The following ANTXR1 variants were observed in gnomAD, a reference collection of about 807,000 sequenced individuals.
ANTXR1 encodes the protein ANTXR cell adhesion molecule 1.
ANTXR1 carries 19 observed loss-of-function variants against 78.1 expected under a neutral mutation model. That is an observed-to-expected ratio of 0.24 (90% CI 0.17 to 0.36). The LOEUF is 0.36. Ranked by LOEUF, ANTXR1 falls within the 10% of genes least tolerant of loss-of-function variation. The pLI is 1.00. For missense variants in ANTXR1, 518 were observed against 718.6 expected (o/e 0.72, Z 3.19); for synonymous variants, 273 against 260.5 (o/e 1.05, Z -0.46).
intron 17 of ANTXR1, among the ~76,000 whole-genome samples, chr2:69,242,420 A>G (rs1283703192): frequency 1.3e-5 from 2 of 152,220 alleles, no homozygotes; most frequent in Admixed American, 1.3e-4. Context: ...TTGGCAGAAG[A>G]AGGCTGGGAG....
chr2:69,135,028 A>T (rs535361489), intron 12 of ANTXR1: 130 of 421,986 alleles, frequency 3.1e-4, no homozygotes, highest in African/African-American at 2.3e-3. Context: ...ATCATTAGAG[A>T]CGGTAAAAGA....
rs186002368 is a variant in ANTXR1, at chr2:69,078,750, G to A, written c.642+1262G>A. On this transcript the variant is annotated intron_variant, in intron 8 of 17. Transcript: ENST00000303714. ...CTAATACTTTTCCAGACATACAATA[G>A]GCACTCAAGGCATATGAATTATTGC... Among the ~76,000 whole-genome samples, 6 of 152,236 alleles carry A rather than the reference G, an allele frequency of 3.9e-5. No homozygotes were observed. In the East Asian group the frequency reaches 7.7e-4, roughly 20 times the overall value.
chr2:69,034,852 A>G (rs1487566045), intron 1 of ANTXR1, among the ~76,000 whole-genome samples: 1 of 152,216 alleles, frequency 6.6e-6, no homozygotes, highest in Non-Finnish European at 1.5e-5. Context: ...AGAGACTGAC[A>G]TGATAAATGG....
chr2:69,059,337 A>T (rs1573822999), intron 3 of ANTXR1, among the ~76,000 whole-genome samples: 1 of 152,164 alleles, frequency 6.6e-6, no homozygotes, highest in African/African-American at 2.4e-5. Context: ...CAGCCACCCC[A>T]CCTTCAGCAA....
At chr2:69,096,255 CAAAA>C (rs1255106606) in intron 9 of ANTXR1, among the ~76,000 whole-genome samples, 2 of 123,972 alleles carry the variant, frequency 1.6e-5, no homozygotes, top group East Asian at 2.2e-4. Context: ...GAGACTCCGT[CAAAA>C]GGAAGGAAGG....
rs34296585 is a variant in ANTXR1, at chr2:69,182,980, T to TAAA, written c.1353+334_1353+336dup. Reference sequence around the variant, plus strand: ...TGCAAATTCGTGAAGTGTTCCATATTAAAAAAAAAAAAAAAATCACCATGG... The same window carrying TAAA: ...TGCAAATTCGTGAAGTGTTCCATATTAAAAAAAAAAAAAAAAAAATCACCATGG... On this transcript the variant is annotated intron_variant, in intron 16 of 17. Transcript: ENST00000303714. 6.8e-3 allele frequency: 1,418 copies of TAAA among 208,992 alleles called. 29 individuals carry two copies. Among genetic ancestry groups the TAAA allele is most frequent in the African/African-American group, 0.032 (1,232 of 38,332 alleles). The allele number at this position is 208,992 out of a possible 1,614,324, so 12.9% of individuals were successfully genotyped here.
At position 69,234,897 on chromosome 2, in the gene ANTXR1, G is replaced by A. The variant is rs115836130; in HGVS notation, c.1435-10328G>A. ...GTCCAAGATAACACAGTAAGTTGCA[G>A]AACCAGATCTCTTGAATCCTAGTAG... On this transcript the variant is annotated intron_variant, in intron 17 of 17. Coordinates refer to ENST00000303714, the MANE Select transcript of ANTXR1 (RefSeq NM_032208.3). Among the ~76,000 whole-genome samples the A allele has an allele frequency of 4.9e-3, 725 of 148,622 alleles. 5 individuals carry two copies. Among genetic ancestry groups the A allele is most frequent in the African/African-American group, 0.017 (698 of 40,190 alleles).
intron 1 of ANTXR1, among the ~76,000 whole-genome samples, chr2:69,028,038 T>C (rs902220756): frequency 6.6e-6 from 1 of 152,010 alleles, no homozygotes; most frequent in Non-Finnish European, 1.5e-5. Flanking sequence ...TTTAAGGAAT[T>C]CTCATAATTT....
chr2:69,170,386 G>C (rs1360253054), intron 14 of ANTXR1, 97 bp downstream of exon 14: 3 of 1,424,040 alleles, frequency 2.1e-6, no homozygotes, highest in Non-Finnish European at 3.0e-6. Context: ...CTGCAGAGCA[G>C]AGCTAAGTCA....
chr2:69,030,535 G>T (rs1451930813), intron 1 of ANTXR1, among the ~76,000 whole-genome samples: 1 of 152,138 alleles, frequency 6.6e-6, no homozygotes, highest in East Asian at 1.9e-4. Context: ...ATGCAACAGG[G>T]CTTCAATATT....
intron 14 of ANTXR1, among the ~76,000 whole-genome samples, chr2:69,176,952 A>G (rs143139415): frequency 1.3e-5 from 2 of 152,208 alleles, no homozygotes; most frequent in African/African-American, 4.8e-5. Context: ...GAACTTATCA[A>G]TTGAGTCTGA....
intron 17 of ANTXR1, among the ~76,000 whole-genome samples, chr2:69,204,588 G>T (rs1674852028): frequency 6.6e-6 from 1 of 152,072 alleles, no homozygotes; most frequent in Non-Finnish European, 1.5e-5. Context: ...TCTTTTCAAG[G>T]TCACAAAGAG....
At chr2:69,219,364 A>G (rs1418139486) in intron 17 of ANTXR1, among the ~76,000 whole-genome samples, 4 of 133,526 alleles carry the variant, frequency 3.0e-5, no homozygotes, top group African/African-American at 8.1e-5. Context: ...AGGTAACATC[A>G]CAGTGTCCAC....
intron 9 of ANTXR1, among the ~76,000 whole-genome samples, chr2:69,095,569 A>G (rs1483931426): frequency 6.6e-6 from 1 of 152,234 alleles, no homozygotes; most frequent in Non-Finnish European, 1.5e-5. Flanking sequence ...TCCCATGCAG[A>G]AAGAAATTAT....
chr2:69,158,117 G>A (rs1156814931), intron 13 of ANTXR1, among the ~76,000 whole-genome samples: 2 of 152,168 alleles, frequency 1.3e-5, no homozygotes, highest in Non-Finnish European at 2.9e-5. Context: ...TGAAGCTGTT[G>A]GAAGCCAAGG....
intron 1 of ANTXR1, among the ~76,000 whole-genome samples, chr2:69,025,181 C>T (rs1272479925): frequency 1.3e-5 from 2 of 152,128 alleles, no homozygotes; most frequent in African/African-American, 2.4e-5. Context: ...TCCTTTGAGA[C>T]GATTACTAGT....
At chr2:69,127,250 T>C (rs1199177978) in intron 12 of ANTXR1, among the ~76,000 whole-genome samples, 2 of 152,072 alleles carry the variant, frequency 1.3e-5, no homozygotes, top group Non-Finnish European at 2.9e-5. Context: ...AATGGATACA[T>C]TGAAAAGGTG....
intron 8 of ANTXR1, among the ~76,000 whole-genome samples, chr2:69,085,890 TG>T (rs1263359722): frequency 1.3e-5 from 2 of 152,248 alleles, no homozygotes; most frequent in African/African-American, 2.4e-5. Context: ...TTCAGGTTTT[TG>T]TCTTAGACAA....
chr2:69,075,607 T>G lies in ANTXR1; in HGVS notation c.510T>G (p.Asp170Glu). Residue 170 changes from aspartate (D) to glutamate (E), a missense_variant, in exon 7 of 18, where the codon GAT becomes GAG. This residue lies in a region of ANTXR1 where 264 missense variants were observed against 391.8 expected (regional missense o/e 0.67). Transcript: ENST00000303714. ...TTTCCCAGGCTAATAGGTCTCGAGA[T>G]CTTGGTGCAATTGTTTACTGTGTTG... ...YSEREANRSR[D>E]LGAIVYCVGV... 6.2e-7 allele frequency: 1 copy of G among 1,614,142 alleles called. No homozygotes were observed. Among genetic ancestry groups the G allele is most frequent in the Non-Finnish European group, 8.5e-7 (1 of 1,179,994 alleles).
Sources: gnomAD v4.1 joint callset for allele counts (sites outside exome capture counted in the v4.1 genomes callset) on GRCh38, gnomAD v4.1.1 for gene constraint, gnomAD v4.1.1 regional missense constraint, MANE v1.5 for transcripts, NCBI Gene and HGNC (gene_info 2026-07-23, HGNC 2026-07-21) for gene names.